Variants in WWC1 observed in about 807,000 individuals in gnomAD.
The protein encoded by WWC1 is WW and C2 domain containing 1.
Under a neutral mutation model 138.4 loss-of-function variants are expected in WWC1, and 55 were observed. The observed-to-expected ratio is 0.40, with a 90% CI of 0.32 to 0.50. The LOEUF (loss-of-function observed/expected upper bound fraction) is 0.50. Among genes scored for constraint, WWC1 ranks in the 20% least tolerant of loss-of-function variants. WWC1 has a pLI of 0.72. For missense variants in WWC1, 1,226 were observed against 1,420.4 expected (o/e 0.86, Z 2.20); for synonymous variants, 524 against 564.9 (o/e 0.93, Z 1.03).
intron 1 of WWC1, among the ~76,000 whole-genome samples, chr5:168,349,446 A>G (rs1040275423): frequency 6.6e-6 from 1 of 152,166 alleles, no homozygotes; most frequent in Non-Finnish European, 1.5e-5. Context: ...TCCCTGTAAA[A>G]GATTTCTTCC....
At chr5:168,394,745 C>T (rs867351754) in intron 3 of WWC1, among the ~76,000 whole-genome samples, 1 of 151,992 alleles carries the variant, frequency 6.6e-6, no homozygotes, top group African/African-American at 2.4e-5. Context: ...AAAATAAGTT[C>T]TCGTAGTAGA....
At chr5:168,295,029 G>T (rs1769405109) in intron 1 of WWC1, among the ~76,000 whole-genome samples, 2 of 152,182 alleles carry the variant, frequency 1.3e-5, no homozygotes, top group African/African-American at 4.8e-5. Context: ...GGGGTCTCAT[G>T]TCAACTCTGG....
At chr5:168,323,652 A>C (rs1375569793) in intron 1 of WWC1, among the ~76,000 whole-genome samples, 2 of 152,202 alleles carry the variant, frequency 1.3e-5, no homozygotes, top group Admixed American at 1.3e-4. Context: ...TAATCAGTCT[A>C]AGAAATGTGT....
At chr5:168,340,572 CAG>C (rs1387026838) in intron 1 of WWC1, among the ~76,000 whole-genome samples, 2 of 152,018 alleles carry the variant, frequency 1.3e-5, no homozygotes, top group East Asian at 3.9e-4. Flanking sequence ...TTCATATAAA[CAG>C]AGTCATACAA....
chr5:168,444,450 C>T (rs1259462276), intron 16 of WWC1, 44 bp from the exon 17 acceptor site: 2 of 1,523,822 alleles, frequency 1.3e-6, no homozygotes, highest in Admixed American at 4.0e-5. Context: ...GGTAGGGTGG[C>T]ACCTACATTG....
At chr5:168,336,298 C>T (rs561159280) in intron 1 of WWC1, among the ~76,000 whole-genome samples, 22 of 152,182 alleles carry the variant, frequency 1.4e-4, no homozygotes, top group African/African-American at 4.1e-4. Flanking sequence ...CGGCCAGCCA[C>T]GGTGGCTCAC....
intron 10 of WWC1, 22 bp downstream of exon 10, chr5:168,422,119 C>T: frequency 6.2e-7 from 1 of 1,609,766 alleles, no homozygotes; most frequent in Non-Finnish European, 8.5e-7. Flanking sequence ...GCGGTGAGGC[C>T]ACTGCTCCCC....
At chr5:168,313,326 C>T (rs936317685) in intron 1 of WWC1, among the ~76,000 whole-genome samples, 3 of 152,116 alleles carry the variant, frequency 2.0e-5, no homozygotes, top group African/African-American at 7.2e-5. Flanking sequence ...GCACAGTGCT[C>T]ATGCCTGTAG....
chr5:168,428,671 G>A lies in WWC1; in HGVS notation c.1920-36G>A, dbSNP rs748620939. On this transcript the variant is annotated intron_variant, in intron 12 of 22. Coordinates refer to ENST00000265293, the MANE Select transcript of WWC1 (RefSeq NM_015238.3). ...CTCCCAGAATAGTTTGTTCACTGTAGGGAAGCCTAACTCCTCCTCCCCTGT... is the reference window on the plus strand; with the variant it reads ...CTCCCAGAATAGTTTGTTCACTGTAAGGAAGCCTAACTCCTCCTCCCCTGT... 31 of 1,607,640 alleles carry A rather than the reference G, an allele frequency of 1.9e-5. 1 individual carries two copies. In the South Asian group the frequency reaches 3.4e-4, roughly 18 times the overall value.
chr5:168,373,483 G>T (rs1386706374), intron 2 of WWC1, among the ~76,000 whole-genome samples: 2 of 152,054 alleles, frequency 1.3e-5, no homozygotes, highest in Non-Finnish European at 2.9e-5. Flanking sequence ...TGGAGCCATT[G>T]ATAGCAATAT....
intron 1 of WWC1, among the ~76,000 whole-genome samples, chr5:168,308,087 GT>G (rs1482317719): frequency 6.6e-6 from 1 of 152,196 alleles, no homozygotes; most frequent in Non-Finnish European, 1.5e-5. Context: ...AAGAATGTGT[GT>G]TTAGGGTTCA....
chr5:168,408,968 T>A (rs1283242531), intron 7 of WWC1, among the ~76,000 whole-genome samples: 2 of 152,192 alleles, frequency 1.3e-5, no homozygotes, highest in Admixed American at 1.3e-4. Context: ...TTCTCTGGTT[T>A]TTTTTTTCCA....
chr5:168,432,491 G>A (rs1314422848), intron 15 of WWC1, among the ~76,000 whole-genome samples: 5 of 152,168 alleles, frequency 3.3e-5, no homozygotes, highest in African/African-American at 1.2e-4. Flanking sequence ...TAGCTAACTC[G>A]GGCTTGTGAT....
intron 19 of WWC1, among the ~76,000 whole-genome samples, chr5:168,456,640 A>G (rs1349407417): frequency 3.3e-5 from 5 of 152,136 alleles, no homozygotes; most frequent in Non-Finnish European, 5.9e-5. Context: ...CAAAAAGAAA[A>G]CATGAATAAT....
At chr5:168,375,102 T>G (rs539183648) in intron 2 of WWC1, among the ~76,000 whole-genome samples, 1 of 152,248 alleles carries the variant, frequency 6.6e-6, no homozygotes, top group South Asian at 2.1e-4. Flanking sequence ...GTTTGATATA[T>G]AAACCTGGAG....
rs1427948811 is a variant in WWC1 at position 168,414,538 on chromosome 5, GA to G, written c.1136del (p.Lys379ArgfsTer14). On this transcript the variant is annotated frameshift_variant, in exon 9 of 23. Transcript: ENST00000265293. LOFTEE classifies it high-confidence loss of function. Reference sequence around the variant, plus strand: ...GCTGGAGATGGCCCGGAAGCGGCTGGAAAAGGACCTGCAGGCAGCCCGGGAC... The same window carrying G: ...GCTGGAGATGGCCCGGAAGCGGCTGGAAAGGACCTGCAGGCAGCCCGGGAC... ...EQLEMARKRL[E>X]KDLQAARDTQ... 4 of 1,555,050 alleles carry G rather than the reference GA, an allele frequency of 2.6e-6. No homozygotes were observed. The highest frequency in any genetic ancestry group is 1.9e-5 in the Admixed American group (1 of 51,474).
intron 3 of WWC1, among the ~76,000 whole-genome samples, chr5:168,395,449 G>T (rs544298004): frequency 6.6e-6 from 1 of 152,264 alleles, no homozygotes; most frequent in South Asian, 2.1e-4. Flanking sequence ...TTTGTTGAAA[G>T]GACCTATTTG....
intron 1 of WWC1, among the ~76,000 whole-genome samples, chr5:168,306,192 T>C (rs926043574): frequency 6.6e-6 from 1 of 151,844 alleles, no homozygotes; most frequent in African/African-American, 2.4e-5. Flanking sequence ...AGGTCAGGAG[T>C]TCGAGACCAG....
At chr5:168,451,903 CTTT>C (rs3085192) in intron 17 of WWC1, among the ~76,000 whole-genome samples, 35,159 of 108,268 alleles carry the variant, frequency 0.32, 5,282 homozygotes, top group Middle Eastern at 0.49. Context: ...TTGTTGGTGT[CTTT>C]TTTTTTTTTT....
Sources: allele counts gnomAD v4.1 joint callset (sites outside exome capture counted in the v4.1 genomes callset), GRCh38; gene constraint gnomAD v4.1.1; transcripts MANE v1.5; gene names NCBI Gene and HGNC (gene_info 2026-07-23, HGNC 2026-07-21).